Variants in RAB37 observed in about 807,000 individuals in gnomAD.
RAB37 encodes the protein RAB37, member RAS oncogene family.
RAB37 carries 29 observed loss-of-function variants against 33.1 expected under a neutral mutation model. That is an observed-to-expected ratio of 0.88 (90% CI 0.65 to 1.20). The LOEUF is 1.20. Ranked by LOEUF, RAB37 falls within the 50% of genes most tolerant of loss-of-function variation. The pLI, the probability that RAB37 is intolerant of heterozygous loss-of-function variation, is 0.00. For synonymous variants in RAB37, 128 were observed against 119.5 expected (o/e 1.07, Z -0.47); for missense variants, 299 against 301.1 (o/e 0.99, Z 0.05).
intron 1 of RAB37, among the ~76,000 whole-genome samples, chr17:74,693,651 G>C (rs1219144709): frequency 1.3e-5 from 2 of 152,092 alleles, no homozygotes; most frequent in Admixed American, 6.5e-5. Context: ...AACTCTGTCT[G>C]GGTGTGGTGG....
chr17:74,736,855 C>T (rs1055855148), upstream of RAB37: 2 of 1,523,914 alleles, frequency 1.3e-6, no homozygotes, highest in African/African-American at 2.8e-5. Context: ...CTCCCCGCCT[C>T]GCCACCTGGG....
Position 74,729,700 on chromosome 17 carries a change from C to T in RAB37, c.183+334C>T, listed in dbSNP as rs2034361019. Among the ~76,000 whole-genome samples the T allele has an allele frequency of 6.6e-6, 1 of 152,056 alleles. No individual in the cohort carries two copies. The highest frequency in any genetic ancestry group is 2.4e-5 in the African/African-American group (1 of 41,416). Reference sequence around the variant, plus strand: ...GGAGGGACACAGCAGCCCATGGGAGCCCCCCAGGGAGGCAGCCAGGAGAAC... The same window carrying T: ...GGAGGGACACAGCAGCCCATGGGAGTCCCCCAGGGAGGCAGCCAGGAGAAC... On this transcript the variant is annotated intron_variant, in intron 2 of 7. Coordinates refer to the RAB37 transcript ENST00000340415. This position sits in a 1 kb window ranked among gnomAD's most constrained non-coding sequence, Gnocchi z 4.2.
intron 1 of RAB37, among the ~76,000 whole-genome samples, chr17:74,708,411 A>T (rs1348651263): frequency 6.6e-6 from 1 of 152,190 alleles, no homozygotes; most frequent in African/African-American, 2.4e-5. Flanking sequence ...TGAAATCCCA[A>T]ATCCATTTCA....
chr17:74,692,979 C>T (rs1014278881), intron 1 of RAB37, among the ~76,000 whole-genome samples: 2 of 152,164 alleles, frequency 1.3e-5, no homozygotes, highest in African/African-American at 2.4e-5. Flanking sequence ...GACAAAGTCC[C>T]CACTTAAGGC....
At chr17:74,680,284 C>T (rs1396057749) in intron 1 of RAB37, among the ~76,000 whole-genome samples, 1 of 152,018 alleles carries the variant, frequency 6.6e-6, no homozygotes, top group Non-Finnish European at 1.5e-5. Flanking sequence ...AAGAGGGTCA[C>T]AGATGGTCAC....
intron 1 of RAB37, among the ~76,000 whole-genome samples, chr17:74,715,875 A>G (rs1054328223): frequency 3.9e-5 from 6 of 152,158 alleles, no homozygotes; most frequent in Admixed American, 2.0e-4. Context: ...TAAAAAATAC[A>G]AAAAATTAGC....
upstream of RAB37, among the ~76,000 whole-genome samples, chr17:74,736,139 G>C (rs1157624448): frequency 2.0e-5 from 3 of 152,072 alleles, no homozygotes; most frequent in African/African-American, 7.2e-5. Flanking sequence ...CTTGAACCCG[G>C]GAAGCAAAGG....
chr17:74,744,450 A>T lies in RAB37; in HGVS notation c.432+77A>T, dbSNP rs777755792. 7.3e-7 allele frequency: 1 copy of T among 1,367,748 alleles called. No homozygotes were observed. Among genetic ancestry groups the T allele is most frequent in the Non-Finnish European group, 1.0e-6 (1 of 957,326 alleles). The allele number at this position is 1,367,748 out of a possible 1,614,324, so 84.7% of individuals were successfully genotyped here. On this transcript the variant is annotated intron_variant, in intron 6 of 8. Transcript: ENST00000392613. This position sits in a 1 kb window ranked among gnomAD's most constrained non-coding sequence, Gnocchi z 4.2. ...GCCGGCCCCATAACCACCCAAGAAC[A>T]GTTATCTAGGCATCCTTCCTGAAAA...
Position 74,745,268 on chromosome 17 carries a change from C to T in RAB37, c.567-38C>T. The T allele has an allele frequency of 6.3e-7, 1 of 1,595,056 alleles. No homozygotes were observed. The highest frequency in any genetic ancestry group is 8.6e-7 in the Non-Finnish European group (1 of 1,163,404). On this transcript the variant is annotated intron_variant, in intron 8 of 8. Coordinates refer to ENST00000392613, the MANE Select transcript of RAB37 (RefSeq NM_001006638.3). This position sits in a 1 kb window ranked among gnomAD's most constrained non-coding sequence, Gnocchi z 4.5. Reference sequence around the variant, plus strand: ...GGCGGCTCAGCTCCTCACCCCAGCCCAGCCCAGCCCAGCCCAGCCCATTGT... The same window carrying T: ...GGCGGCTCAGCTCCTCACCCCAGCCTAGCCCAGCCCAGCCCAGCCCATTGT...
intron 1 of RAB37, among the ~76,000 whole-genome samples, chr17:74,709,658 T>C (rs1312804967): frequency 1.3e-5 from 2 of 152,064 alleles, no homozygotes; most frequent in Non-Finnish European, 2.9e-5. Context: ...CCTCAAGTCC[T>C]GGGCTCAAGT....
At chr17:74,695,161 T>C in intron 1 of RAB37, 1 of 1,614,130 alleles carries the variant, frequency 6.2e-7, no homozygotes, top group Non-Finnish European at 8.5e-7. Context: ...AGGTGGCTAC[T>C]GAGGTGGCCC....
chr17:74,744,237 T>A lies in RAB37; in HGVS notation c.367-71T>A. 1.4e-6 allele frequency: 2 copies of A among 1,435,262 alleles called. No homozygotes were observed. Among genetic ancestry groups the A allele is most frequent in the Non-Finnish European group, 1.9e-6 (2 of 1,034,222 alleles). The allele number at this position is 1,435,262 out of a possible 1,614,324, so 88.9% of individuals were successfully genotyped here. On this transcript the variant is annotated intron_variant, in intron 5 of 8. Coordinates refer to ENST00000392613, the MANE Select transcript of RAB37 (RefSeq NM_001006638.3). This position sits in a 1 kb window ranked among gnomAD's most constrained non-coding sequence, Gnocchi z 4.2. Reference sequence around the variant, plus strand: ...CAAGGTAGTGAGTAACTGAGGATAGTCAAACGGAGCAGAAGAAGAAAGGGG... The same window carrying A: ...CAAGGTAGTGAGTAACTGAGGATAGACAAACGGAGCAGAAGAAGAAAGGGG...
intron 1 of RAB37, among the ~76,000 whole-genome samples, chr17:74,674,847 C>T (rs578023982): frequency 6.6e-6 from 1 of 152,214 alleles, no homozygotes; most frequent in East Asian, 1.9e-4. Context: ...TGCCAAACAC[C>T]CTCCCCCAGA....
At chr17:74,684,875 A>AGATAGAT (rs1346622880) in intron 1 of RAB37, among the ~76,000 whole-genome samples, 8 of 151,666 alleles carry the variant, frequency 5.3e-5, no homozygotes, top group African/African-American at 1.9e-4. Flanking sequence ...ATAGATAGAT[A>AGATAGAT]GATAGATAGA....
At chr17:74,697,482 T>G (rs183375689) in intron 1 of RAB37, among the ~76,000 whole-genome samples, 44 of 152,246 alleles carry the variant, frequency 2.9e-4, no homozygotes, top group Admixed American at 1.8e-3. Context: ...GGCTCTAATT[T>G]TGAAAAAGCA....
intron 1 of RAB37, among the ~76,000 whole-genome samples, chr17:74,702,446 A>G (rs1443699312): frequency 6.6e-6 from 1 of 152,224 alleles, no homozygotes; most frequent in Non-Finnish European, 1.5e-5. Context: ...GTTGTAGGAA[A>G]GGTCAAAGAA....
At chr17:74,678,223 T>C (rs1206319550) in intron 1 of RAB37, among the ~76,000 whole-genome samples, 1 of 152,010 alleles carries the variant, frequency 6.6e-6, no homozygotes, top group Non-Finnish European at 1.5e-5. Flanking sequence ...CAGCTGGGAG[T>C]GGCCCTGGAC....
At chr17:74,728,303 ATG>A (rs1271714941) in intron 1 of RAB37, among the ~76,000 whole-genome samples, 8 of 147,952 alleles carry the variant, frequency 5.4e-5, no homozygotes, top group South Asian at 4.3e-4. Flanking sequence ...TTCTGTGTGT[ATG>A]TGTGTGTTTG....
At chr17:74,695,231 G>A in intron 1 of RAB37, 4 of 1,614,090 alleles carry the variant, frequency 2.5e-6, no homozygotes, top group Non-Finnish European at 3.4e-6. Context: ...CATAGGAAAT[G>A]TCCTCCTTCG....
Sources: allele counts gnomAD v4.1 joint callset (sites outside exome capture counted in the v4.1 genomes callset), GRCh38; gene constraint gnomAD v4.1.1; non-coding constraint Gnocchi (gnomAD v3.1); transcripts MANE v1.5; gene names NCBI Gene and HGNC (gene_info 2026-07-23, HGNC 2026-07-21).